Variants in TRIM48 observed in about 807,000 individuals in gnomAD.
TRIM48 encodes tripartite motif containing 48.
A neutral mutation model predicts 29.5 loss-of-function variants in TRIM48; 31 were observed. That is an observed-to-expected ratio of 1.05 (90% CI 0.79 to 1.42). The LOEUF (loss-of-function observed/expected upper bound fraction) is 1.42, where lower values mean the gene tolerates loss of function less well. Among genes scored for constraint, TRIM48 ranks in the 40% most tolerant of loss-of-function variants. The probability of loss-of-function intolerance (pLI) is 0.00; values close to 1 mark genes in which losing one functional copy is unlikely to be tolerated. For missense variants in TRIM48, 344 were observed against 265.0 expected (o/e 1.30, Z -2.07); for synonymous variants, 128 against 90.6 (o/e 1.41, Z -2.34).
chr11:55,269,711 T>C (rs1302332641), intron 5 of TRIM48, among the ~76,000 whole-genome samples: 1 of 147,608 alleles, frequency 6.8e-6, no homozygotes, highest in Non-Finnish European at 1.5e-5. Flanking sequence ...AGAACTGTTC[T>C]TTTGGGGAAT....
At chr11:55,268,507 C>G in intron 4 of TRIM48, 135 bp downstream of exon 4, 1 of 842,878 alleles carries the variant, frequency 1.2e-6, no homozygotes. Flanking sequence ...ATTCCCACAC[C>G]AGAAAAGACA....
chr11:55,262,338 T>C, intron 1 of TRIM48, 27 bp downstream of exon 1: 1 of 1,485,402 alleles, frequency 6.7e-7, no homozygotes, highest in Non-Finnish European at 9.2e-7. Context: ...TTGATAAAAT[T>C]ATATCTTCTT....
intron 1 of TRIM48, 126 bp downstream of exon 1, chr11:55,262,437 T>C (rs1435267439): frequency 2.8e-6 from 2 of 719,034 alleles, no homozygotes; most frequent in East Asian, 2.8e-5. Context: ...ATATTCTTAC[T>C]ATAGATTTTA....
chr11:55,267,196 C>G (rs1857407354), intron 3 of TRIM48, among the ~76,000 whole-genome samples: 1 of 147,390 alleles, frequency 6.8e-6, no homozygotes, highest in Non-Finnish European at 1.5e-5. Context: ...TTAGAACACT[C>G]CTTATCTTGA....
At position 55,265,256 on chromosome 11, in the gene TRIM48, C is replaced by G; in HGVS notation, c.401C>G (p.Ser134Cys). 1 of 1,582,494 alleles carries G rather than the reference C, an allele frequency of 6.3e-7. No homozygotes were observed. The highest frequency in any genetic ancestry group is 8.6e-7 in the Non-Finnish European group (1 of 1,166,156). ...CTGCTCTGTTTGCTGTGCTCCAGCT[C>G]TCAGGAGCACCGGTATCACAGACAC... ...RSLLCLLCSS[S>C]QEHRYHRHCP... is the part of the protein sequence containing the mutation. Residue 134 changes from serine to cysteine, a missense_variant, in exon 2 of 6, where the codon TCT becomes TGT. Coordinates refer to ENST00000417545, the MANE Select transcript of TRIM48 (RefSeq NM_024114.5).
intron 4 of TRIM48, among the ~76,000 whole-genome samples, chr11:55,268,596 T>A (rs1479031927): frequency 6.8e-6 from 1 of 147,872 alleles, no homozygotes; most frequent in African/African-American, 2.5e-5. Context: ...CCTGACTTTG[T>A]TTTATTGCTT....
rs1857365573 is a variant in TRIM48 at position 55,265,056 on chromosome 11, G to T, written c.201G>T (p.Gln67His). 1.3e-6 allele frequency: 2 copies of T among 1,583,922 alleles called. No individual in the cohort carries two copies. The highest frequency in any genetic ancestry group is 1.7e-6 in the Non-Finnish European group (2 of 1,166,188). The change falls in exon 2 of 6, where the codon CAG becomes CAT. Residue 67 changes from glutamine (Q) to histidine (H), a missense_variant. Gln to His is a conservative substitution (Grantham distance 24). Coordinates refer to ENST00000417545, the MANE Select transcript of TRIM48 (RefSeq NM_024114.5). ...LNWQDIPILTQCFECIKTIQQ... is the reference protein window; with the variant it reads ...LNWQDIPILTHCFECIKTIQQ... ...GGCAAGACATCCCAATTCTTACTCA[G>T]TGCTTTGAATGCATAAAGACAATAC...
chr11:55,263,604 G>GT (rs1857339269), intron 1 of TRIM48, among the ~76,000 whole-genome samples: 1 of 152,184 alleles, frequency 6.6e-6, no homozygotes, highest in African/African-American at 2.4e-5. Context: ...GGAGGTTGCA[G>GT]TGAGCCGAGA....
intron 3 of TRIM48, among the ~76,000 whole-genome samples, chr11:55,266,031 C>T (rs1190379464): frequency 6.8e-6 from 1 of 147,346 alleles, no homozygotes; most frequent in African/African-American, 2.5e-5. Context: ...AGTTATTTGG[C>T]AGTCATGGAA....
intron 4 of TRIM48, among the ~76,000 whole-genome samples, chr11:55,268,920 A>G (rs2120115228): frequency 6.8e-6 from 1 of 148,024 alleles, no homozygotes; most frequent in Admixed American, 6.8e-5. Context: ...TCTATTTCAG[A>G]CAAAGATGTC....
chr11:55,271,047 G>A lies in TRIM48; in HGVS notation c.*612G>A. On this transcript the variant is annotated 3_prime_UTR_variant, in exon 6 of 6. Coordinates refer to ENST00000417545, the MANE Select transcript of TRIM48 (RefSeq NM_024114.5). ...ACAAATAGGTTCGGTTTTATGTCTT[G>A]AATTGCATTCTAATGTTATTAAAAC... 1 of 1,318,602 alleles carries A rather than the reference G, an allele frequency of 7.6e-7. No individual in the cohort carries two copies. Among genetic ancestry groups the A allele is most frequent in the African/African-American group, 1.7e-5 (1 of 60,534 alleles). The allele number at this position is 1,318,602 out of a possible 1,614,324, so 81.7% of individuals were successfully genotyped here.
At chr11:55,270,111 G>A (rs1257001673) in intron 5 of TRIM48, among the ~76,000 whole-genome samples, 1 of 148,080 alleles carries the variant, frequency 6.8e-6, no homozygotes, top group Non-Finnish European at 1.5e-5. Context: ...TCTAAATAAA[G>A]ATCTTGATAA....
rs1435335915 is a variant in TRIM48 at position 55,270,584 on chromosome 11, T to C, written c.*149T>C. ...TTTCTTGCATGGGGTGCTCAGACTTTCACCTCTGGCAAATATTACTGGGAG... is the reference window on the plus strand; with the variant it reads ...TTTCTTGCATGGGGTGCTCAGACTTCCACCTCTGGCAAATATTACTGGGAG... On this transcript the variant is annotated 3_prime_UTR_variant, in exon 6 of 6. Transcript: ENST00000417545. 3.8e-6 allele frequency: 6 copies of C among 1,583,474 alleles called. No individual in the cohort carries two copies. The African/African-American group carries it at 4.1e-5, about 11-fold the overall frequency.
At position 55,269,374 on chromosome 11, in the gene TRIM48, C is replaced by G. The variant is rs1285114893; in HGVS notation, c.*1+35C>G. The G allele has an allele frequency of 2.6e-6, 4 of 1,561,550 alleles. 1 individual carries two copies. In the Admixed American group the frequency reaches 5.2e-5, roughly 20 times the overall value. ...CACCCACAGGCAGCACCCCCACTAT[C>G]TAAATATTATTATTGTTAGGATCAC... is the stretch of plus-strand genomic sequence containing the variant. On this transcript the variant is annotated intron_variant, in intron 5 of 5. Coordinates refer to ENST00000417545, the MANE Select transcript of TRIM48 (RefSeq NM_024114.5).
chr11:55,264,742 C>G (rs1246912114), intron 1 of TRIM48, among the ~76,000 whole-genome samples, 158 bp from the exon 2 acceptor site: 1 of 147,892 alleles, frequency 6.8e-6, no homozygotes, highest in Non-Finnish European at 1.5e-5. Context: ...GGGAGACTCT[C>G]TGTGTGAGAT....
At chr11:55,269,179 C>G in intron 4 of TRIM48, 63 bp from the exon 5 acceptor site, 1 of 1,531,754 alleles carries the variant, frequency 6.5e-7, no homozygotes, top group South Asian at 1.2e-5. Flanking sequence ...CTTTTAAACA[C>G]AAGTAGTGAT....
chr11:55,267,863 G>A (rs924969848), intron 3 of TRIM48, among the ~76,000 whole-genome samples: 2 of 147,902 alleles, frequency 1.4e-5, no homozygotes, highest in Non-Finnish European at 3.0e-5. Context: ...TTGTGGAATG[G>A]TCAAGGTAAC....
At chr11:55,263,611 G>A (rs1357526302) in intron 1 of TRIM48, among the ~76,000 whole-genome samples, 9 of 152,058 alleles carry the variant, frequency 5.9e-5, no homozygotes, top group Non-Finnish European at 1.2e-4. Context: ...GCAGTGAGCC[G>A]AGATTGCACC....
chr11:55,271,001 C>A lies in TRIM48; in HGVS notation c.*566C>A. The A allele has an allele frequency of 6.5e-7, 1 of 1,527,750 alleles. No homozygotes were observed. 94.6% of individuals were successfully genotyped at this position (1,527,750 alleles called of 1,614,324 possible). A position where few individuals can be genotyped will look rare whatever the true frequency, so the allele number is the denominator to read the frequency against. The stretch of plus-strand genomic sequence containing the variant: ...CCCCTTTATCCCAGAAAGCCCTCTT[C>A]CTTGTGCCTTATCAAACAGGACAAA... On this transcript the variant is annotated 3_prime_UTR_variant, in exon 6 of 6. Transcript: ENST00000417545.
Sources: gnomAD v4.1 joint callset for allele counts (sites outside exome capture counted in the v4.1 genomes callset) on GRCh38, gnomAD v4.1.1 for gene constraint, MANE v1.5 for transcripts, NCBI Gene and HGNC (gene_info 2026-07-23, HGNC 2026-07-21) for gene names.